CNTNAP5: variants seen among roughly 807,000 people sequenced by gnomAD.
CNTNAP5 encodes the protein contactin-associated protein-like 5.
Under a neutral mutation model 150.2 loss-of-function variants are expected in CNTNAP5, and 72 were observed. That is an observed-to-expected ratio of 0.48 (90% CI 0.40 to 0.58). The LOEUF is 0.58. Ranked by LOEUF, CNTNAP5 falls within the 20% of genes least tolerant of loss-of-function variation. The probability of loss-of-function intolerance (pLI) is 0.00; values close to 1 mark genes in which losing one functional copy is unlikely to be tolerated. For synonymous variants in CNTNAP5, 672 were observed against 619.8 expected (o/e 1.08, Z -1.25); for missense variants, 1,636 against 1,626.2 (o/e 1.01, Z -0.10).
At chr2:124,855,968 G>T (rs1183726658) in intron 19 of CNTNAP5, among the ~76,000 whole-genome samples, 1 of 151,942 alleles carries the variant, frequency 6.6e-6, no homozygotes, top group East Asian at 1.9e-4. Flanking sequence ...ACAATGTTTG[G>T]TTTTCCATGA....
chr2:124,552,827 C>T (rs1009894956), intron 10 of CNTNAP5, among the ~76,000 whole-genome samples: 2 of 152,164 alleles, frequency 1.3e-5, no homozygotes, highest in African/African-American at 4.8e-5. Context: ...AACAGTTTTC[C>T]AGTCCATTGA....
At chr2:124,790,197 T>C (rs1681695420) in intron 18 of CNTNAP5, 56 bp downstream of exon 18, 2 of 1,510,146 alleles carry the variant, frequency 1.3e-6, no homozygotes, top group Non-Finnish European at 1.8e-6. Context: ...CTATACGCTA[T>C]GGTCAGGCCA....
intron 3 of CNTNAP5, among the ~76,000 whole-genome samples, chr2:124,312,924 C>G (rs1423996192): frequency 6.6e-6 from 1 of 152,158 alleles, no homozygotes; most frequent in African/African-American, 2.4e-5. Context: ...AGGCTGGTCT[C>G]GAACTCCTGA....
At chr2:124,135,694 T>G (rs2104608724) in intron 1 of CNTNAP5, among the ~76,000 whole-genome samples, 1 of 152,262 alleles carries the variant, frequency 6.6e-6, no homozygotes, top group African/African-American at 2.4e-5. Context: ...TATACACCAG[T>G]GTCTACACAT....
chr2:124,339,434 A>G (rs1689555038), intron 3 of CNTNAP5, among the ~76,000 whole-genome samples: 2 of 152,162 alleles, frequency 1.3e-5, no homozygotes, highest in Non-Finnish European at 1.5e-5. Flanking sequence ...GAAAAGAAAA[A>G]GAGACAGCTG....
chr2:124,603,099 G>A (rs1697023492), intron 11 of CNTNAP5, among the ~76,000 whole-genome samples: 1 of 116,034 alleles, frequency 8.6e-6, no homozygotes, highest in African/African-American at 3.3e-5. Context: ...TTTCTTTAAT[G>A]TGTTTGAATT....
intron 1 of CNTNAP5, among the ~76,000 whole-genome samples, chr2:124,196,056 G>A (rs923669860): frequency 6.7e-6 from 1 of 148,532 alleles, no homozygotes; most frequent in African/African-American, 2.5e-5. Flanking sequence ...AATGATACCA[G>A]GTAAAAAATA....
intron 6 of CNTNAP5, among the ~76,000 whole-genome samples, chr2:124,461,186 C>A (rs1363299145): frequency 6.6e-6 from 1 of 151,954 alleles, no homozygotes; most frequent in Non-Finnish European, 1.5e-5. Context: ...GGTATATACC[C>A]AAAAGACTAT....
chr2:124,673,083 C>T (rs978446019), intron 13 of CNTNAP5, among the ~76,000 whole-genome samples: 2 of 152,082 alleles, frequency 1.3e-5, no homozygotes, highest in Non-Finnish European at 2.9e-5. Context: ...TCCTGAGATG[C>T]TGTGCAAAAT....
chr2:124,268,004 T>C lies in CNTNAP5; in HGVS notation c.381+25611T>C, dbSNP rs373812107. ...GAGAACACTTATGGTAATGTCAGGA[T>C]CCAGCTCAATATTTCAAAGCAATGC... On this transcript the variant is annotated intron_variant, in intron 3 of 23. Coordinates refer to ENST00000682447, the MANE Select transcript of CNTNAP5 (RefSeq NM_001367498.1). Among the ~76,000 whole-genome samples the C allele has an allele frequency of 3.9e-5, 6 of 152,150 alleles. No homozygotes were observed. In the East Asian group the frequency reaches 7.7e-4, roughly 20 times the overall value.
At position 124,373,228 on chromosome 2, in the gene CNTNAP5, C is replaced by A. The variant is rs536441601; in HGVS notation, c.382-44215C>A. Among the ~76,000 whole-genome samples, 4 of 152,052 alleles carry A rather than the reference C, an allele frequency of 2.6e-5. No individual in the cohort carries two copies. The South Asian group carries it at 8.3e-4, about 31-fold the overall frequency. On this transcript the variant is annotated intron_variant, in intron 3 of 23. Transcript: ENST00000682447. Reference sequence around the variant, plus strand: ...TCTTGGAAGACATAAGAAATGATGACGAGAACTATTATTTCTAATCTAAAA... The same window carrying A: ...TCTTGGAAGACATAAGAAATGATGAAGAGAACTATTATTTCTAATCTAAAA...
At chr2:124,026,402 C>G (rs1310406438) in intron 1 of CNTNAP5, among the ~76,000 whole-genome samples, 1 of 152,174 alleles carries the variant, frequency 6.6e-6, no homozygotes, top group Admixed American at 6.5e-5. Context: ...TGAGTATGCA[C>G]TAAGTGTACA....
In CNTNAP5 at chr2:124,919,631, A is replaced by G. The variant is rs1678834129; in HGVS notation, c.*5343A>G. ...CCTCACTCAGGAGTCTCTTTAGTGC[A>G]TTTGGATCATTGTCTTACTCATTAG... On this transcript the variant is annotated 3_prime_UTR_variant, in exon 24 of 24. Coordinates refer to ENST00000682447, the MANE Select transcript of CNTNAP5 (RefSeq NM_001367498.1). 6.6e-6 allele frequency among the ~76,000 whole-genome samples: 1 copy of G among 152,044 alleles called. No homozygotes were observed. Among genetic ancestry groups the G allele is most frequent in the Non-Finnish European group, 1.5e-5 (1 of 67,984 alleles).
intron 13 of CNTNAP5, among the ~76,000 whole-genome samples, chr2:124,674,481 TCTCC>T (rs1199283256): frequency 8.0e-6 from 1 of 125,414 alleles, no homozygotes; most frequent in Admixed American, 8.3e-5. Context: ...TCCCTCCCTC[TCTCC>T]CTCTCTACTT....
Position 124,692,027 on chromosome 2 carries a change from G to T in CNTNAP5, c.2077+44069G>T, listed in dbSNP as rs531836066. 8.5e-5 allele frequency among the ~76,000 whole-genome samples: 13 copies of T among 152,218 alleles called. No homozygotes were observed. The East Asian group carries it at 2.5e-3, about 29-fold the overall frequency. On this transcript the variant is annotated intron_variant, in intron 13 of 23. Transcript: ENST00000682447. Reference sequence around the variant, plus strand: ...TGTGCTCTTGGTATCTAACAGCCATGTAAAGAAGCACGAATTAGATTATTG... The same window carrying T: ...TGTGCTCTTGGTATCTAACAGCCATTTAAAGAAGCACGAATTAGATTATTG...
At chr2:124,672,183 G>T (rs1012032011) in intron 13 of CNTNAP5, among the ~76,000 whole-genome samples, 2 of 152,056 alleles carry the variant, frequency 1.3e-5, no homozygotes, top group Non-Finnish European at 2.9e-5. Context: ...GTCTTCACAT[G>T]ACCTACCCTC....
At chr2:124,583,721 C>T (rs560340352) in intron 11 of CNTNAP5, among the ~76,000 whole-genome samples, 44 of 152,182 alleles carry the variant, frequency 2.9e-4, no homozygotes, top group Non-Finnish European at 4.9e-4. Flanking sequence ...ACTACATCCA[C>T]TGTTGCTGGC....
At chr2:124,574,444 A>T (rs1421099428) in intron 11 of CNTNAP5, among the ~76,000 whole-genome samples, 1 of 152,222 alleles carries the variant, frequency 6.6e-6, no homozygotes, top group Non-Finnish European at 1.5e-5. Context: ...TCTAGCCTAA[A>T]ATAACAATTA....
intron 1 of CNTNAP5, among the ~76,000 whole-genome samples, chr2:124,098,556 C>T (rs1682992434): frequency 6.6e-6 from 1 of 152,088 alleles, no homozygotes; most frequent in Non-Finnish European, 1.5e-5. Context: ...AATCATAATC[C>T]TGAAGACAAC....
Sources: gnomAD v4.1 joint callset for allele counts (sites outside exome capture counted in the v4.1 genomes callset) on GRCh38, gnomAD v4.1.1 for gene constraint, MANE v1.5 for transcripts, NCBI Gene and HGNC (gene_info 2026-07-23, HGNC 2026-07-21) for gene names.